ROBO2: variants seen among roughly 807,000 people sequenced by gnomAD.
The protein encoded by ROBO2 is roundabout homolog 2.
Under a neutral mutation model 160.8 loss-of-function variants are expected in ROBO2, and 53 were observed. The observed-to-expected ratio is 0.33, with a 90% CI of 0.26 to 0.41. The LOEUF (loss-of-function observed/expected upper bound fraction) is 0.41. Ranked by LOEUF, ROBO2 falls within the 10% of genes least tolerant of loss-of-function variation. The pLI, the probability that ROBO2 is intolerant of heterozygous loss-of-function variation, is 1.00. For missense variants in ROBO2, 1,577 were observed against 1,722.4 expected, an observed-to-expected ratio of 0.92 and a Z score of 1.49; for synonymous variants, 664 against 611.7, an observed-to-expected ratio of 1.09 and a Z score of -1.26.
intron 20 of ROBO2, 89 bp downstream of exon 21, chr3:77,602,580 T>C (rs960832683): frequency 6.7e-7 from 1 of 1,485,496 alleles, no homozygotes; most frequent in African/African-American, 1.4e-5. Context: ...ACTTAGTGAT[T>C]CATTACCAGG....
At chr3:77,534,576 C>T (rs1337892558) in intron 6 of ROBO2, among the ~76,000 whole-genome samples, 2 of 152,166 alleles carry the variant, frequency 1.3e-5, no homozygotes, top group Non-Finnish European at 2.9e-5. Context: ...GTTACACCTA[C>T]ATATGCATGA....
intron 2 of ROBO2, among the ~76,000 whole-genome samples, chr3:76,374,634 G>A (rs1157480000): frequency 2.0e-5 from 3 of 151,928 alleles, no homozygotes; most frequent in Non-Finnish European, 4.4e-5. Flanking sequence ...CCTTGTAAAT[G>A]TTTTTCTTTC....
Position 76,848,066 on chromosome 3 carries a change from G to C in ROBO2, c.110-249948G>C, listed in dbSNP as rs565437722. Among the ~76,000 whole-genome samples, 11 of 152,210 alleles carry C rather than the reference G, an allele frequency of 7.2e-5. No homozygotes were observed. The South Asian group carries it at 1.7e-3, about 23-fold the overall frequency. ...GTTTATGTCATTACTTTCTCATGCT[G>C]TAGAACCAGTCATCGTGTAGAAAAA... On this transcript the variant is annotated intron_variant, in intron 2 of 26. Transcript: ENST00000487694.
chr3:76,726,412 A>G (rs2107783384), intron 2 of ROBO2, among the ~76,000 whole-genome samples: 1 of 152,048 alleles, frequency 6.6e-6, no homozygotes, highest in South Asian at 2.1e-4. Context: ...GCTTACTGCA[A>G]TTTTTCTCAT....
intron 2 of ROBO2, among the ~76,000 whole-genome samples, chr3:77,205,617 A>G (rs139548544): frequency 7.0e-4 from 107 of 152,158 alleles, no homozygotes; most frequent in African/African-American, 2.5e-3. Context: ...GGGCCTTTGC[A>G]TGGGAACCTT....
chr3:77,064,432 C>T (rs1419170839), intron 1 of ROBO2, among the ~76,000 whole-genome samples: 1 of 147,968 alleles, frequency 6.8e-6, no homozygotes, highest in Non-Finnish European at 1.5e-5. Flanking sequence ...ACAATCTCAG[C>T]TCACTGAAAC....
At chr3:77,327,425 A>T (rs1159431535) in intron 2 of ROBO2, among the ~76,000 whole-genome samples, 1 of 152,070 alleles carries the variant, frequency 6.6e-6, no homozygotes, top group South Asian at 2.1e-4. Context: ...ATAAATAACA[A>T]ATTGTAGGGT....
At chr3:76,060,876 T>C (rs748724433) in intron 2 of ROBO2, among the ~76,000 whole-genome samples, 4 of 152,322 alleles carry the variant, frequency 2.6e-5, no homozygotes, top group Middle Eastern at 3.4e-3. Flanking sequence ...CGCCATCTCA[T>C]GATCATCCCT....
rs137926902 is a variant in ROBO2, at chr3:77,220,253, G to A, written c.388+121913G>A. On this transcript the variant is annotated intron_variant, in intron 2 of 25. Transcript: ENST00000461745. ...TCTCGAACTCCTGACCTCATGATCC[G>A]CCCACCTTGGCCTCCCAAAGTGCTG... Among the ~76,000 whole-genome samples, 1,176 of 151,920 alleles carry A rather than the reference G, an allele frequency of 7.7e-3. 16 individuals carry two copies. Among genetic ancestry groups the A allele is most frequent in the African/African-American group, 0.026 (1,067 of 41,434 alleles).
At chr3:76,199,013 C>T (rs1702391673) in intron 2 of ROBO2, among the ~76,000 whole-genome samples, 1 of 152,158 alleles carries the variant, frequency 6.6e-6, no homozygotes. Context: ...CCTATTCTCA[C>T]ATTTGGCTTG....
intron 2 of ROBO2, among the ~76,000 whole-genome samples, chr3:77,007,288 A>G (rs1156553931): frequency 6.6e-6 from 1 of 152,178 alleles, no homozygotes; most frequent in Admixed American, 6.5e-5. Flanking sequence ...TTATGAATTC[A>G]TCACCAACGA....
chr3:77,290,963 TAA>T (rs1194059436), intron 2 of ROBO2, among the ~76,000 whole-genome samples: 3 of 60,312 alleles, frequency 5.0e-5, no homozygotes, highest in Non-Finnish European at 1.4e-4. Flanking sequence ...GCTAGAGCAC[TAA>T]AGACATAAAG....
chr3:77,571,643 A>G (rs2093638798), intron 13 of ROBO2, among the ~76,000 whole-genome samples: 1 of 152,070 alleles, frequency 6.6e-6, no homozygotes, highest in Non-Finnish European at 1.5e-5. Flanking sequence ...AGAAAATACT[A>G]TTTTAAAAAA....
intron 2 of ROBO2, among the ~76,000 whole-genome samples, chr3:76,422,046 T>C: frequency 6.6e-6 from 1 of 152,178 alleles, no homozygotes; most frequent in Middle Eastern, 3.2e-3. Flanking sequence ...TTTGCCAAAC[T>C]GGGCAAATAA....
chr3:77,107,007 A>G (rs2072891589), intron 2 of ROBO2, among the ~76,000 whole-genome samples: 2 of 152,202 alleles, frequency 1.3e-5, no homozygotes, highest in South Asian at 2.1e-4. Flanking sequence ...CTACTACAAG[A>G]AAATACCATA....
chr3:77,032,877 A>G (rs925288343), intron 2 of ROBO2, among the ~76,000 whole-genome samples: 24 of 152,338 alleles, frequency 1.6e-4, no homozygotes, highest in Middle Eastern at 3.4e-3. Flanking sequence ...TCCATTGGCC[A>G]GAACTCAATC....
At chr3:76,603,352 ATATAT>A (rs1487394806) in intron 2 of ROBO2, among the ~76,000 whole-genome samples, 116 of 32,176 alleles carry the variant, frequency 3.6e-3, no homozygotes, top group African/African-American at 0.019. Context: ...AAAAAAAAAA[ATATAT>A]ATATATATAT....
intron 2 of ROBO2, among the ~76,000 whole-genome samples, chr3:76,381,034 TA>T (rs57061903): frequency 0.074 from 7,761 of 105,360 alleles, 500 homozygotes; most frequent in African/African-American, 0.18. Flanking sequence ...GTGAGCGGAC[TA>T]AAAAAAAAAA....
chr3:76,844,803 C>G (rs2068627826), intron 2 of ROBO2, among the ~76,000 whole-genome samples: 1 of 151,774 alleles, frequency 6.6e-6, no homozygotes, highest in Non-Finnish European at 1.5e-5. Context: ...GAATAAAAAC[C>G]TAGGTCTTTA....
Sources: allele counts gnomAD v4.1 joint callset (sites outside exome capture counted in the v4.1 genomes callset), GRCh38; gene constraint gnomAD v4.1.1; transcripts MANE v1.5; gene names NCBI Gene and HGNC (gene_info 2026-07-23, HGNC 2026-07-21).